The following SOS2 variants were observed in gnomAD, a reference collection of about 807,000 sequenced individuals.
The protein encoded by SOS2 is SOS Ras/Rho guanine nucleotide exchange factor 2, also known as son of sevenless homolog 2.
Under a neutral mutation model 148.2 loss-of-function variants are expected in SOS2, and 65 were observed. The ratio of observed to expected loss-of-function variants is 0.44; its 90% confidence interval spans 0.36 to 0.54. The LOEUF is 0.54. Among genes scored for constraint, SOS2 ranks in the 20% least tolerant of loss-of-function variants. The pLI is 0.00. For missense variants in SOS2, 1,341 were observed against 1,590.2 expected, an observed-to-expected ratio of 0.84 and a Z score of 2.67; for synonymous variants, 539 against 537.1, an observed-to-expected ratio of 1.00 and a Z score of -0.05.
Position 50,231,298 on chromosome 14 carries a change from C to G in SOS2, c.-15G>C. ...GCCTGCTGCATGGCCCCGGCGACAG[C>G]GCCTCCGCATCGGGGGCAGCCCGCG... On this transcript the variant is annotated 5_prime_UTR_variant, in exon 1 of 23. Transcript: ENST00000216373. The G allele has an allele frequency of 1.4e-6, 2 of 1,396,962 alleles. No individual in the cohort carries two copies. Among genetic ancestry groups the G allele is most frequent in the African/African-American group, 1.5e-5 (1 of 68,804 alleles). 86.5% of individuals were successfully genotyped at this position (1,396,962 alleles called of 1,614,324 possible). A position where few individuals can be genotyped will look rare whatever the true frequency, so the allele number is the denominator to read the frequency against.
intron 13 of SOS2, among the ~76,000 whole-genome samples, chr14:50,150,854 C>G (rs1415134833): frequency 6.6e-6 from 1 of 152,108 alleles, no homozygotes; most frequent in East Asian, 1.9e-4. Flanking sequence ...TCCTGAGTAG[C>G]TAGGATTATA....
chr14:50,224,308 TATATATACAC>T lies in SOS2; in HGVS notation c.87+6879_87+6888del, dbSNP rs1566487917. On this transcript the variant is annotated intron_variant, in intron 1 of 22. Coordinates refer to ENST00000216373, the MANE Select transcript of SOS2 (RefSeq NM_006939.4). ...TCCGTCTCAGGAAAAAAAAAAAATA[TATATATACAC>T]ACACACACACACACACACACACACA... Among the ~76,000 whole-genome samples, 9 of 68,990 alleles carry T rather than the reference TATATATACAC, an allele frequency of 1.3e-4. No individual in the cohort carries two copies. In the Middle Eastern group the frequency reaches 0.019, roughly 146 times the overall value. 45.3% of individuals were successfully genotyped at this position (68,990 alleles called of 152,430 possible). A position where few individuals can be genotyped will look rare whatever the true frequency, so the allele number is the denominator to read the frequency against.
At chr14:50,193,927 T>A (rs1886237162) in intron 4 of SOS2, among the ~76,000 whole-genome samples, 1 of 152,146 alleles carries the variant, frequency 6.6e-6, no homozygotes, top group Admixed American at 6.6e-5. Flanking sequence ...TGTATTTTAG[T>A]AGAGATGGGG....
At chr14:50,136,620 C>T (rs1281657514) in intron 18 of SOS2, among the ~76,000 whole-genome samples, 32 of 150,034 alleles carry the variant, frequency 2.1e-4, no homozygotes, top group Admixed American at 1.9e-3. Context: ...GATGCAGTCT[C>T]GCTCTGTCAC....
intron 10 of SOS2, among the ~76,000 whole-genome samples, chr14:50,159,221 T>C (rs1884919325): frequency 6.6e-6 from 1 of 152,186 alleles, no homozygotes; most frequent in African/African-American, 2.4e-5. Context: ...ATGCATATTT[T>C]ATGAATATTT....
upstream of SOS2, chr14:50,231,598 T>C (rs888608708): frequency 1.1e-4 from 17 of 152,690 alleles, no homozygotes; most frequent in South Asian, 1.2e-3. Flanking sequence ...CCTCCTCCTT[T>C]GTCTGGGTTC....
chr14:50,187,941 T>TAA (rs1885971873), intron 5 of SOS2, among the ~76,000 whole-genome samples: 1 of 152,206 alleles, frequency 6.6e-6, no homozygotes, highest in Non-Finnish European at 1.5e-5. Context: ...TGAATGACTC[T>TAA]AAATATCAGA....
chr14:50,228,377 A>AC (rs775704174), intron 1 of SOS2, among the ~76,000 whole-genome samples: 1 of 152,080 alleles, frequency 6.6e-6, no homozygotes, highest in African/African-American at 2.4e-5. Context: ...GGAAAATATA[A>AC]CCCAAAGCCT....
intron 9 of SOS2, 38 bp downstream of exon 9, chr14:50,161,444 A>C: frequency 6.3e-7 from 1 of 1,576,576 alleles, no homozygotes; most frequent in Non-Finnish European, 8.7e-7. Context: ...ACAGCGAAGT[A>C]AGCAGAGGCA....
chr14:50,143,954 T>G lies in SOS2; in HGVS notation c.2667+1216A>C, dbSNP rs575366793. On this transcript the variant is annotated intron_variant, in intron 16 of 22. Coordinates refer to ENST00000216373, the MANE Select transcript of SOS2 (RefSeq NM_006939.4). The stretch of plus-strand genomic sequence containing the variant: ...GATTACAGGTGAGAGCCCCCACACC[T>G]GGCCAAAAGCTTTTAATATAATACA... 2.0e-5 allele frequency among the ~76,000 whole-genome samples: 3 copies of G among 151,858 alleles called. No homozygotes were observed. The East Asian group carries it at 5.8e-4, about 29-fold the overall frequency.
In SOS2 at chr14:50,118,250, A is replaced by C; in HGVS notation, c.*94T>G. The C allele has an allele frequency of 9.4e-7, 1 of 1,060,414 alleles. No individual in the cohort carries two copies. The highest frequency in any genetic ancestry group is 1.4e-6 in the Non-Finnish European group (1 of 735,536). 65.7% of individuals were successfully genotyped at this position (1,060,414 alleles called of 1,614,324 possible). ...GCATTTTTGTAAGAGCATTATTTGT[A>C]AAAAGTACTAAAATACTATGTCTTT... On this transcript the variant is annotated 3_prime_UTR_variant, in exon 23 of 23. Coordinates refer to ENST00000216373, the MANE Select transcript of SOS2 (RefSeq NM_006939.4).
Position 50,159,839 on chromosome 14 carries a change from T to G in SOS2, c.1444A>C (p.Ser482Arg). 1 of 1,614,196 alleles carries G rather than the reference T, an allele frequency of 6.2e-7. No individual in the cohort carries two copies. ...TCTTTTAACCTGTATTCTGCACTAC[T>G]GTAACCTGGAAGCCGAGTCTGGCCA... is the stretch of plus-strand genomic sequence containing the variant. ...NHGQTRLPGY[S>R]SAEYRLKEKF... The change falls in exon 10 of 23, where the codon AGT (serine) becomes CGT (arginine). Residue 482 changes from serine (S) to arginine (R), a missense_variant. Coordinates refer to ENST00000216373, the MANE Select transcript of SOS2 (RefSeq NM_006939.4).
chr14:50,124,607 T>C (rs73289768), intron 21 of SOS2, among the ~76,000 whole-genome samples: 4,585 of 152,266 alleles, frequency 0.03, 100 homozygotes, highest in African/African-American at 0.037. Flanking sequence ...TAATGTGCCT[T>C]TTACCATAGG....
chr14:50,194,374 A>G (rs2139759845), intron 4 of SOS2, among the ~76,000 whole-genome samples: 1 of 152,290 alleles, frequency 6.6e-6, no homozygotes, highest in Non-Finnish European at 1.5e-5. Context: ...AGGAATGAAG[A>G]AAAGTGGTAA....
intron 18 of SOS2, among the ~76,000 whole-genome samples, chr14:50,135,089 A>AAAG (rs1555368585): frequency 9.1e-5 from 12 of 131,572 alleles, no homozygotes; most frequent in South Asian, 2.3e-4. Flanking sequence ...AAAAAAAAAA[A>AAAG]AAAGAAAGAA....
In SOS2 at chr14:50,167,819, G is replaced by A. The variant is rs535482943; in HGVS notation, c.1069-6210C>T. On this transcript the variant is annotated intron_variant, in intron 8 of 22. Transcript: ENST00000216373. Reference sequence around the variant, plus strand: ...CAGGAGGTGGGGGTTGTAGTGAGCCGAGATCACCACTGCACTCCAGCCTGG... The same window carrying A: ...CAGGAGGTGGGGGTTGTAGTGAGCCAAGATCACCACTGCACTCCAGCCTGG... Among the ~76,000 whole-genome samples the A allele has an allele frequency of 2.0e-3, 65 of 32,294 alleles. 1 individual carries two copies. The highest frequency in any genetic ancestry group is 9.3e-3 in the African/African-American group (63 of 6,788). The allele number at this position is 32,294 out of a possible 152,430, so 21.2% of individuals were successfully genotyped here.
chr14:50,153,259 T>C (rs1160386005), intron 12 of SOS2, 86 bp from the exon 13 acceptor site: 1 of 728,900 alleles, frequency 1.4e-6, no homozygotes, highest in Non-Finnish European at 2.4e-6. Flanking sequence ...ATAATAGCTT[T>C]ACATACAAGG....
chr14:50,188,428 CTATT>C lies in SOS2; in HGVS notation c.714+65_714+68del, dbSNP rs67021603. On this transcript the variant is annotated intron_variant, in intron 5 of 22. Transcript: ENST00000216373. ...GTCTCAAAAAAATAAAAAAAAGTGA[CTATT>C]TATGATTTTAAGCTGGTCTGGTTTT... 398,093 of 1,047,922 alleles carry C rather than the reference CTATT, an allele frequency of 0.38. 79,134 individuals carry two copies. Among genetic ancestry groups the C allele is most frequent in the Non-Finnish European group, 0.43 (296,206 of 692,436 alleles). The allele number at this position is 1,047,922 out of a possible 1,614,324, so 64.9% of individuals were successfully genotyped here. A position where few individuals can be genotyped will look rare whatever the true frequency, so the allele number is the denominator to read the frequency against.
intron 18 of SOS2, among the ~76,000 whole-genome samples, chr14:50,136,703 C>T (rs542603257): frequency 6.6e-6 from 1 of 151,836 alleles, no homozygotes; most frequent in African/African-American, 2.4e-5. Context: ...GATCCTCCCA[C>T]CTCAGCCTCC....
Sources: allele counts gnomAD v4.1 joint callset (sites outside exome capture counted in the v4.1 genomes callset), GRCh38; gene constraint gnomAD v4.1.1; transcripts MANE v1.5; gene names NCBI Gene and HGNC (gene_info 2026-07-23, HGNC 2026-07-21).